Variants in TTN observed in about 807,000 individuals in gnomAD.
The protein encoded by TTN is connectin.
Under a neutral mutation model 3,223.0 loss-of-function variants are expected in TTN, and 1,525 were observed. The ratio of observed to expected loss-of-function variants is 0.47; its 90% confidence interval spans 0.45 to 0.49. The LOEUF is 0.49. TTN is among the 20% of genes least tolerant of loss of function. TTN has a pLI of 0.00. For synonymous variants in TTN, 14,094 were observed against 15,161.0 expected (o/e 0.93, Z 5.17); for missense variants, 40,786 against 43,424.0 (o/e 0.94, Z 5.40).
rs2057792171 is a variant in TTN, at chr2:178,618,809, C to T, written c.46741G>A (p.Val15581Ile). 6.2e-7 allele frequency: 1 copy of T among 1,610,798 alleles called. No homozygotes were observed. The change falls in exon 251 of 363, where the codon GTT (valine) becomes ATT (isoleucine). Residue 15581 changes from valine to isoleucine, a missense_variant. Transcript: ENST00000589042. ...KTADQDLVVD[V>I]GKPLTMVVPY... Reference sequence around the variant, plus strand: ...ACCACCATTGTCAGAGGCTTGCCAACATCAACCACAAGGTCTTGGTCAGCT... The same window carrying T: ...ACCACCATTGTCAGAGGCTTGCCAATATCAACCACAAGGTCTTGGTCAGCT...
At chr2:178,696,764 A>C (rs1271342271) in intron 113 of TTN, among the ~76,000 whole-genome samples, 2 of 152,076 alleles carry the variant, frequency 1.3e-5, no homozygotes, top group Non-Finnish European at 2.9e-5. Flanking sequence ...TAACCAAGTT[A>C]ATTAGGTACT....
chr2:178,683,133 A>G lies in TTN; in HGVS notation c.32887+78T>C, dbSNP rs2303828. The G allele has an allele frequency of 0.2, 203,578 of 1,043,458 alleles. 22,858 individuals carry two copies. The highest frequency in any genetic ancestry group is 0.47 in the East Asian group (17,948 of 38,500). The allele number at this position is 1,043,458 out of a possible 1,614,324, so 64.6% of individuals were successfully genotyped here. On this transcript the variant is annotated intron_variant, in intron 134 of 362. Coordinates refer to ENST00000589042, the MANE Select transcript of TTN (RefSeq NM_001267550.2). The stretch of plus-strand genomic sequence containing the variant: ...AATCAACAATAAGCTAATAAAGTAT[A>G]GGAGTCAGATTGGGAACTAGAAGGC...
At chr2:178,619,443 T>G (rs2057931115) in intron 250 of TTN, 178 bp downstream of exon 250, 1 of 685,430 alleles carries the variant, frequency 1.5e-6, no homozygotes, top group African/African-American at 1.8e-5. Flanking sequence ...TTATTGCTAT[T>G]AATTTCCTCT....
At position 178,528,388 on chromosome 2, in the gene TTN, T is replaced by C; in HGVS notation, c.107263A>G (p.Asn35755Asp). Reference sequence around the variant, plus strand: ...TTTCGGATTTCAAGGGAGTATACATTTCTGGAGCGGCTTATGCTGACATTT... The same window carrying C: ...TTTCGGATTTCAAGGGAGTATACATCTCTGGAGCGGCTTATGCTGACATTT... ...SSNVSISRSR[N>D]VYSLEIRNAS... The change falls in exon 361 of 363, where the codon AAT (asparagine) becomes GAT (aspartate). Residue 35755 changes from asparagine (N) to aspartate (D), a missense_variant. Asn to Asp is a conservative substitution (Grantham distance 23). Transcript: ENST00000589042. 6.2e-7 allele frequency: 1 copy of C among 1,613,958 alleles called. No homozygotes were observed.
rs200440412 is a variant in TTN, at chr2:178,774,398, A to C, written c.6866T>G (p.Ile2289Ser). The C allele has an allele frequency of 2.4e-5, 38 of 1,613,938 alleles. No individual in the cohort carries two copies. The highest frequency in any genetic ancestry group is 3.0e-5 in the Non-Finnish European group (35 of 1,179,920). ...PESYSGELEC[I>S]VSPENIEGKW... ...TCCTTCTATATTTTCTGGGGATACA[A>C]TGCACTCTAATTCTCCTGAATATGA... The change falls in exon 30 of 363, where the codon ATT (isoleucine) becomes AGT (serine). Residue 2289 changes from isoleucine (I) to serine (S), a missense_variant. Coordinates refer to ENST00000589042, the MANE Select transcript of TTN (RefSeq NM_001267550.2).
Position 178,598,858 on chromosome 2 carries a change from G to A in TTN, c.56852C>T (p.Thr18951Ile). 2 of 1,613,270 alleles carry A rather than the reference G, an allele frequency of 1.2e-6. No homozygotes were observed. The highest frequency in any genetic ancestry group is 1.3e-5 in the African/African-American group (1 of 74,972). The change falls in exon 291 of 363, where the codon ACT becomes ATT. Residue 18951 changes from threonine to isoleucine, a missense_variant. Physicochemically the swap from Thr to Ile is moderately conservative, Grantham distance 89 (BLOSUM62 -1). Coordinates refer to ENST00000589042, the MANE Select transcript of TTN (RefSeq NM_001267550.2). ...AMTLGVSYKVTGLIEGSDYQF... is the reference protein window; with the variant it reads ...AMTLGVSYKVIGLIEGSDYQF... ...ATAGTCGGAACCTTCAATAAGACCA[G>A]TCACTTTATAAGAAACACCCAAAGT...
chr2:178,592,438 G>A lies in TTN; in HGVS notation c.59567C>T (p.Ser19856Phe). The change falls in exon 301 of 363, where the codon TCT becomes TTT. Residue 19856 changes from serine (S) to phenylalanine (F), a missense_variant. Ser to Phe is a radical substitution (Grantham distance 155, BLOSUM62 -2). Transcript: ENST00000589042. ...ACCAGCTGGATTCTCCACTGTTAAA[G>A]AATAAATTCCACCATCTTCATGGGC... ...NAAHEDGGIYSLTVENPAGSK... is the reference protein window; with the variant it reads ...NAAHEDGGIYFLTVENPAGSK... 1 of 1,613,460 alleles carries A rather than the reference G, an allele frequency of 6.2e-7. No homozygotes were observed. The highest frequency in any genetic ancestry group is 1.1e-5 in the South Asian group (1 of 91,056).
Position 178,728,192 on chromosome 2 carries a change from T to C in TTN, c.19632A>G (p.Glu6544=). Residue 6544 remains glutamate, a synonymous_variant, in exon 67 of 363, where the codon GAA becomes GAG. Coordinates refer to ENST00000589042, the MANE Select transcript of TTN (RefSeq NM_001267550.2). The part of the protein sequence containing the change: ...RSVSLEVNNL[E]LEDTANYTCK... ...ATGTGTAATTTGCAGTATCTTCTAATTCCAGATTATTAACTTCCAGAGACA... is the reference window on the plus strand; with the variant it reads ...ATGTGTAATTTGCAGTATCTTCTAACTCCAGATTATTAACTTCCAGAGACA... The C allele has an allele frequency of 3.7e-6, 6 of 1,612,784 alleles. No homozygotes were observed. Among genetic ancestry groups the C allele is most frequent in the Non-Finnish European group, 5.1e-6 (6 of 1,179,308 alleles).
intron 135 of TTN, 129 bp downstream of exon 135, chr2:178,682,568 A>G: frequency 1.1e-6 from 1 of 930,950 alleles, no homozygotes; most frequent in Non-Finnish European, 1.5e-6. Flanking sequence ...GCATTTGCGA[A>G]ATGAAACAAA....
rs1232571624 is a variant in TTN at position 178,720,784 on chromosome 2, A to G, written c.23099-121T>C. 21 of 1,368,942 alleles carry G rather than the reference A, an allele frequency of 1.5e-5. No homozygotes were observed. The East Asian group carries it at 5.2e-4, about 34-fold the overall frequency. 84.8% of individuals were successfully genotyped at this position (1,368,942 alleles called of 1,614,324 possible). On this transcript the variant is annotated intron_variant, in intron 79 of 362. Transcript: ENST00000589042. The stretch of plus-strand genomic sequence containing the variant: ...ATATGACAATACATGCTGACACAAG[A>G]AATGACAATTCATTAAAACTTGTTG...
At chr2:178,680,745 G>T (rs1270214997) in intron 138 of TTN, among the ~76,000 whole-genome samples, 1 of 152,038 alleles carries the variant, frequency 6.6e-6, no homozygotes, top group East Asian at 1.9e-4. Flanking sequence ...AGTTACCAAA[G>T]CTTGGTGAAT....
intron 47 of TTN, chr2:178,751,458 C>T: frequency 6.2e-7 from 1 of 1,613,160 alleles, no homozygotes; most frequent in Non-Finnish European, 8.5e-7. Context: ...TTTTGTTCCA[C>T]ATCTTGTTTT....
chr2:178,738,808 G>A (rs1440667292), intron 48 of TTN, among the ~76,000 whole-genome samples: 1 of 152,052 alleles, frequency 6.6e-6, no homozygotes, highest in Non-Finnish European at 1.5e-5. Flanking sequence ...ATTTCAGAGT[G>A]GCTAGGTGTT....
chr2:178,535,166 CAT>C lies in TTN; in HGVS notation c.101447_101448del (p.Tyr33816Ter). 1 of 1,613,894 alleles carries C rather than the reference CAT, an allele frequency of 6.2e-7. No homozygotes were observed. The highest frequency in any genetic ancestry group is 8.5e-7 in the Non-Finnish European group (1 of 1,179,850). On this transcript the variant is annotated frameshift_variant, in exon 358 of 363. Coordinates refer to ENST00000589042, the MANE Select transcript of TTN (RefSeq NM_001267550.2). LOFTEE classifies it high-confidence loss of function. ...KASHSSTKEL[Y>X]EKYMIAEDLG... ...AGATCTTCAGCAATCATATATTTCT[CAT>C]AGAGTTCCTTGGTTGAAGAGTGAGA...
chr2:178,642,276 G>A lies in TTN; in HGVS notation c.40519C>T (p.Arg13507Cys), dbSNP rs528749203. ...EKKVRKLLPE[R>C]KPEPKEEVVL... ...ACTTCTTCCTTTGGTTCAGGTTTACGTTCCGGAAGTAATTTGCGAACTTTC... is the reference window on the plus strand; with the variant it reads ...ACTTCTTCCTTTGGTTCAGGTTTACATTCCGGAAGTAATTTGCGAACTTTC... The change falls in exon 219 of 363, where the codon CGT (arginine) becomes TGT (cysteine). Residue 13507 changes from arginine to cysteine, a missense_variant. Arg to Cys is a radical substitution (Grantham distance 180). Transcript: ENST00000589042. 6.9e-6 allele frequency: 11 copies of A among 1,595,720 alleles called. No homozygotes were observed. Among genetic ancestry groups the A allele is most frequent in the African/African-American group, 2.7e-5 (2 of 74,632 alleles).
chr2:178,577,262 G>C lies in TTN; in HGVS notation c.69073C>G (p.Pro23025Ala). The C allele has an allele frequency of 6.2e-7, 1 of 1,612,810 alleles. No homozygotes were observed. Among genetic ancestry groups the C allele is most frequent in the South Asian group, 1.1e-5 (1 of 91,016 alleles). ...AGEYTITATN[P>A]FGTKVEHVKV... ...ACATGTTCCACCTTCGTGCCAAAAG[G>C]ATTGGTAGCAGTGATGGTATATTCA... The change falls in exon 324 of 363, where the codon CCT (proline) becomes GCT (alanine). Residue 23025 changes from proline to alanine, a missense_variant. By Grantham distance (27) the Pro-to-Ala change is conservative. Coordinates refer to ENST00000589042, the MANE Select transcript of TTN (RefSeq NM_001267550.2).
At position 178,636,744 on chromosome 2, in the gene TTN, T is replaced by C. The variant is rs1057338570; in HGVS notation, c.40983A>G (p.Pro13661=). ...PIEAERRKLR[P]GSGGEKPPDE... is the part of the protein sequence containing the mutation. ...CAGGAGGTTTCTCTCCACCACTTCC[T>C]GGCCTTAACTTTCTCCTTTCGGCTT... is the stretch of plus-strand genomic sequence containing the variant. The change falls in exon 225 of 363, where the codon CCA becomes CCG. Residue 13661 remains proline, a synonymous_variant. Coordinates refer to ENST00000589042, the MANE Select transcript of TTN (RefSeq NM_001267550.2). This position sits in a 1 kb window ranked among gnomAD's most constrained non-coding sequence, Gnocchi z 4.3. 1 of 1,610,356 alleles carries C rather than the reference T, an allele frequency of 6.2e-7. No homozygotes were observed. Among genetic ancestry groups the C allele is most frequent in the African/African-American group, 1.3e-5 (1 of 74,762 alleles).
rs794729406 is a variant in TTN at position 178,692,058 on chromosome 2, G to C, written c.31720C>G (p.Pro10574Ala). 1 of 1,613,224 alleles carries C rather than the reference G, an allele frequency of 6.2e-7. No individual in the cohort carries two copies. Among genetic ancestry groups the C allele is most frequent in the Non-Finnish European group, 8.5e-7 (1 of 1,179,362 alleles). The part of the protein sequence containing the change: ...PKKPVPEEKK[P>A]VPVPKKEPAA... ...GGTTCCTTCTTAGGCACAGGAACTG[G>C]CTTTTTCTCCTCTGGCACGGGTTTC... The change falls in exon 121 of 363, where the codon CCA becomes GCA. Residue 10574 changes from proline (P) to alanine (A), a missense_variant. Coordinates refer to ENST00000589042, the MANE Select transcript of TTN (RefSeq NM_001267550.2).
rs1244106142 is a variant in TTN, at chr2:178,559,494, A to C, written c.86638T>G (p.Tyr28880Asp). The C allele has an allele frequency of 6.2e-7, 1 of 1,613,620 alleles. No individual in the cohort carries two copies. Among genetic ancestry groups the C allele is most frequent in the African/African-American group, 1.3e-5 (1 of 74,898 alleles). Reference protein sequence around the residue: ...ENDGGAPVKNYHIEKREASKK... With the variant: ...ENDGGAPVKNDHIEKREASKK... Reference sequence around the variant, plus strand: ...CTGGCCTCACGTTTTTCTATGTGGTAATTCTTCACTGGTGCTCCACCATCG... The same window carrying C: ...CTGGCCTCACGTTTTTCTATGTGGTCATTCTTCACTGGTGCTCCACCATCG... The change falls in exon 326 of 363, where the codon TAC becomes GAC. Residue 28880 changes from tyrosine to aspartate, a missense_variant. Transcript: ENST00000589042.
Sources: allele counts gnomAD v4.1 joint callset (sites outside exome capture counted in the v4.1 genomes callset), GRCh38; gene constraint gnomAD v4.1.1; non-coding constraint Gnocchi (gnomAD v3.1); transcripts MANE v1.5; gene names NCBI Gene and HGNC (gene_info 2026-07-23, HGNC 2026-07-21).